Variants in IL16 observed in about 807,000 individuals in gnomAD.
IL16 encodes pro-interleukin-16.
Under a neutral mutation model 110.1 loss-of-function variants are expected in IL16, and 67 were observed. That is an observed-to-expected ratio of 0.61 (90% confidence interval 0.50 to 0.75). The LOEUF (loss-of-function observed/expected upper bound fraction) is 0.75, where lower values mean the gene tolerates loss of function less well. Among genes scored for constraint, IL16 ranks in the 30% least tolerant of loss-of-function variants. IL16 has a pLI of 0.00. For synonymous variants in IL16, 689 were observed against 662.9 expected (o/e 1.04, Z -0.61); for missense variants, 1,545 against 1,655.0 (o/e 0.93, Z 1.15).
chr15:81,188,544 C>A, intron 1 of IL16: 2 of 428,698 alleles, frequency 4.7e-6, no homozygotes, highest in Non-Finnish European at 4.7e-6. Context: ...CAGCAGCAGC[C>A]CAGGGGATAG....
At position 81,296,919 on chromosome 15, in the gene IL16, A is replaced by T; in HGVS notation, c.1903-9A>T. 6.2e-7 allele frequency: 1 copy of T among 1,600,224 alleles called. No individual in the cohort carries two copies. Among genetic ancestry groups the T allele is most frequent in the Non-Finnish European group, 8.5e-7 (1 of 1,173,124 alleles). On this transcript the variant is annotated splice_polypyrimidine_tract_variant and intron_variant, in intron 12 of 18. Transcript: ENST00000683961. ...TTTGACATGGTCTCGCTTCCTGTTT[A>T]CACCACAGGAAGCGAGAGAGCTGCT...
At chr15:81,262,349 C>T (rs1327809508) in intron 3 of IL16, among the ~76,000 whole-genome samples, 1 of 152,048 alleles carries the variant, frequency 6.6e-6, no homozygotes, top group Non-Finnish European at 1.5e-5. Context: ...GTGAAAGTTA[C>T]TTCCACATTC....
chr15:81,196,833 A>T, upstream of IL16: 1 of 1,120,108 alleles, frequency 8.9e-7, no homozygotes, highest in Non-Finnish European at 1.1e-6. Flanking sequence ...GAGCAGTCAG[A>T]TGGCTCAGAT....
intron 8 of IL16, among the ~76,000 whole-genome samples, chr15:81,281,869 G>C (rs990024484): frequency 1.3e-5 from 2 of 152,224 alleles, no homozygotes; most frequent in East Asian, 1.9e-4. Flanking sequence ...GGCCACCACT[G>C]TTTCTCTCAA....
At chr15:81,204,493 T>G (rs1188961657) in intron 1 of IL16, among the ~76,000 whole-genome samples, 1 of 152,056 alleles carries the variant, frequency 6.6e-6, no homozygotes, top group Non-Finnish European at 1.5e-5. Flanking sequence ...TTGAAATACG[T>G]CCCATCAATA....
chr15:81,258,015 C>T (rs1319903007), intron 2 of IL16, among the ~76,000 whole-genome samples: 1 of 152,102 alleles, frequency 6.6e-6, no homozygotes, highest in Non-Finnish European at 1.5e-5. Flanking sequence ...CACAGATGTA[C>T]ACACACACAG....
At chr15:81,212,462 A>T (rs1052526005) in intron 1 of IL16, among the ~76,000 whole-genome samples, 8 of 151,926 alleles carry the variant, frequency 5.3e-5, no homozygotes, top group African/African-American at 1.7e-4. Flanking sequence ...AAAAATTTTT[A>T]AAAATTATTT....
At chr15:81,251,496 AT>A (rs1031933575) in intron 2 of IL16, among the ~76,000 whole-genome samples, 1 of 152,182 alleles carries the variant, frequency 6.6e-6, no homozygotes, top group Non-Finnish European at 1.5e-5. Context: ...ACCTTTAGTT[AT>A]TCTCCTATCA....
chr15:81,187,059 G>A (rs972025434), intron 1 of IL16, among the ~76,000 whole-genome samples: 3 of 152,200 alleles, frequency 2.0e-5, no homozygotes, highest in Admixed American at 6.5e-5. Flanking sequence ...CTAGTAGAAA[G>A]TAGGGTGAGG....
chr15:81,256,461 G>A (rs1897950501), intron 2 of IL16, among the ~76,000 whole-genome samples: 1 of 151,254 alleles, frequency 6.6e-6, no homozygotes, highest in South Asian at 2.1e-4. Context: ...AGCCTCCCAA[G>A]TAGCTGGGAC....
chr15:81,263,463 G>A (rs1898244060), intron 3 of IL16, among the ~76,000 whole-genome samples: 1 of 151,414 alleles, frequency 6.6e-6, no homozygotes, highest in Non-Finnish European at 1.5e-5. Context: ...GATAATTTTG[G>A]TACATTTCCT....
At chr15:81,240,902 ATTC>A (rs1897317182) in intron 2 of IL16, among the ~76,000 whole-genome samples, 2 of 151,948 alleles carry the variant, frequency 1.3e-5, no homozygotes, top group Non-Finnish European at 2.9e-5. Flanking sequence ...TATAATGTCT[ATTC>A]TTTTTTGTTG....
At chr15:81,216,746 A>G (rs1312664979) in intron 1 of IL16, among the ~76,000 whole-genome samples, 1 of 152,066 alleles carries the variant, frequency 6.6e-6, no homozygotes, top group African/African-American at 2.4e-5. Context: ...AAGAACCCAA[A>G]GCTGTTAGCA....
At chr15:81,220,703 A>G (rs1995830) in intron 1 of IL16, among the ~76,000 whole-genome samples, 58,963 of 151,706 alleles carry the variant, frequency 0.39, 14,359 homozygotes, top group East Asian at 0.7. Context: ...TATTTTATCC[A>G]GGTGGAAATA....
rs199874094 is a variant in IL16, at chr15:81,273,116, A to G, written c.702A>G (p.Gly234=). The change falls in exon 6 of 19, where the codon GGA becomes GGG. Residue 234 remains glycine (G), a synonymous_variant. Transcript: ENST00000683961. The part of the protein sequence containing the change: ...AKGLGFSIVG[G]KDSIYGPIGI... ...GTCTGGGCTTCAGCATCGTTGGGGG[A>G]AAAGACAGCATTTATGGCCCCATTG... The G allele has an allele frequency of 3.9e-5, 63 of 1,612,958 alleles. No homozygotes were observed. Among genetic ancestry groups the G allele is most frequent in the Non-Finnish European group, 5.0e-5 (59 of 1,179,338 alleles).
At chr15:81,190,814 C>T (rs189061528) in intron 1 of IL16, among the ~76,000 whole-genome samples, 1 of 152,172 alleles carries the variant, frequency 6.6e-6, no homozygotes, top group Non-Finnish European at 1.5e-5. Flanking sequence ...CACAATTACA[C>T]CCCAGACCCA....
chr15:81,275,494 G>T (rs1898870947), intron 6 of IL16, among the ~76,000 whole-genome samples: 1 of 151,504 alleles, frequency 6.6e-6, no homozygotes, highest in Non-Finnish European at 1.5e-5. Context: ...ATCAGAATTG[G>T]GAGTGTGCCA....
rs374251801 is a variant in IL16, at chr15:81,301,476, C to G, written c.3282C>G (p.Ile1094Met). Reference sequence around the variant, plus strand: ...GCTCAGAAGAATTAAAAAAACTCATCGAGGAGGTGAAGGTTCTGGATGAAG... The same window carrying G: ...GCTCAGAAGAATTAAAAAAACTCATGGAGGAGGTGAAGGTTCTGGATGAAG... ...LLSSEELKKL[I>M]EEVKVLDEAT... is the part of the protein sequence containing the mutation. The change falls in exon 15 of 19, where the codon ATC (isoleucine) becomes ATG (methionine). Residue 1094 changes from isoleucine (I) to methionine (M), a missense_variant. Ile to Met is a conservative substitution (Grantham distance 10). Around this residue, in one of 3 missense-constraint regions of IL16, gnomAD observed 356 missense variants for 399.3 expected, o/e 0.89. Coordinates refer to ENST00000683961, the MANE Select transcript of IL16 (RefSeq NM_172217.5). 1 of 1,614,012 alleles carries G rather than the reference C, an allele frequency of 6.2e-7. No homozygotes were observed. The highest frequency in any genetic ancestry group is 8.5e-7 in the Non-Finnish European group (1 of 1,179,974).
At chr15:81,246,214 G>A (rs956490291) in intron 2 of IL16, among the ~76,000 whole-genome samples, 3 of 152,004 alleles carry the variant, frequency 2.0e-5, no homozygotes, top group East Asian at 1.9e-4. Flanking sequence ...TCTAAAATGC[G>A]AGAGTTTTAT....
Sources: gnomAD v4.1 joint callset for allele counts (sites outside exome capture counted in the v4.1 genomes callset) on GRCh38, gnomAD v4.1.1 for gene constraint, gnomAD v4.1.1 regional missense constraint, MANE v1.5 for transcripts, NCBI Gene and HGNC (gene_info 2026-07-23, HGNC 2026-07-21) for gene names.